Variants in VPS37A observed in about 807,000 individuals in gnomAD.
The protein encoded by VPS37A is VPS37A subunit of ESCRT-I, also known as vacuolar protein sorting-associated protein 37A.
In VPS37A, 30 loss-of-function variants were observed where a neutral mutation model predicts 49.8. That is an observed-to-expected ratio of 0.60 (90% CI 0.45 to 0.82). VPS37A has a LOEUF of 0.82. VPS37A is among the 40% of genes least tolerant of loss of function. The pLI, the probability that VPS37A is intolerant of heterozygous loss-of-function variation, is 0.00. For missense variants in VPS37A, 593 were observed against 464.4 expected, an observed-to-expected ratio of 1.28 and a Z score of -2.55; for synonymous variants, 195 against 160.6, an observed-to-expected ratio of 1.21 and a Z score of -1.62.
At chr8:17,272,444 T>G (rs1219547275) in intron 4 of VPS37A, among the ~76,000 whole-genome samples, 1 of 152,232 alleles carries the variant, frequency 6.6e-6, no homozygotes, top group Non-Finnish European at 1.5e-5. Flanking sequence ...GGGCTGGATA[T>G]AAACTCATTT....
chr8:17,308,165 T>C, the VPS37A span, among the ~76,000 whole-genome samples: 10 of 152,186 alleles, frequency 6.6e-5, no homozygotes, highest in African/African-American at 2.2e-4. Context: ...AAATAAACTT[T>C]ACTGCAAATC....
chr8:17,299,912 C>A (rs1436597559), downstream of VPS37A: 2 of 1,614,182 alleles, frequency 1.2e-6, no homozygotes, highest in Non-Finnish European at 1.7e-6. Context: ...TTGCCACTAT[C>A]TTCACTCGGT....
chr8:17,275,082 C>T lies in VPS37A; in HGVS notation c.642+124C>T, dbSNP rs1814390180. The T allele has an allele frequency of 1.1e-5, 10 of 903,974 alleles. 1 individual carries two copies. The South Asian group carries it at 1.2e-4, about 11-fold the overall frequency. 56.0% of individuals were successfully genotyped at this position (903,974 alleles called of 1,614,324 possible). On this transcript the variant is annotated intron_variant, in intron 5 of 11. Coordinates refer to ENST00000324849, the MANE Select transcript of VPS37A (RefSeq NM_152415.3). ...CACAAAATATGAAAAGATGAACTCA[C>T]ATTTTTCAATTCAAGTAACAGGTAA...
the VPS37A span, chr8:17,311,687 C>T: frequency 6.2e-7 from 1 of 1,611,480 alleles, no homozygotes; most frequent in Admixed American, 1.7e-5. Context: ...TGTAAAAAGG[C>T]AGAACCTCTC....
chr8:17,294,307 C>T (rs564380377), intron 11 of VPS37A, among the ~76,000 whole-genome samples: 1 of 152,146 alleles, frequency 6.6e-6, no homozygotes. Context: ...CTCCCCCCAC[C>T]AAGCTCCAGC....
At chr8:17,311,533 T>G in the VPS37A span, 1 of 1,613,658 alleles carries the variant, frequency 6.2e-7, no homozygotes, top group African/African-American at 1.3e-5. Flanking sequence ...CAGAGTCCGG[T>G]AGTGAGGGTC....
intron 1 of VPS37A, among the ~76,000 whole-genome samples, chr8:17,264,306 A>G (rs76099641): frequency 3.7e-4 from 56 of 152,330 alleles, no homozygotes; most frequent in African/African-American, 1.2e-3. Flanking sequence ...TCCTTGAACA[A>G]TGACCTCTTC....
At chr8:17,320,698 T>C in the VPS37A span, among the ~76,000 whole-genome samples, 1 of 152,224 alleles carries the variant, frequency 6.6e-6, no homozygotes, top group South Asian at 2.1e-4. Flanking sequence ...TCGGCCCTTC[T>C]GGAGATCTGA....
the VPS37A span, chr8:17,313,243 A>G: frequency 7.2e-7 from 1 of 1,384,796 alleles, no homozygotes; most frequent in Non-Finnish European, 1.0e-6. Flanking sequence ...TTTTGAAGTC[A>G]GTGGTTTGCT....
chr8:17,311,529 C>A, the VPS37A span: 1 of 1,614,134 alleles, frequency 6.2e-7, no homozygotes. Context: ...CCTTCAGAGT[C>A]CGGTAGTGAG....
At chr8:17,261,013 T>A (rs1487131687) in intron 1 of VPS37A, among the ~76,000 whole-genome samples, 2 of 152,220 alleles carry the variant, frequency 1.3e-5, no homozygotes, top group East Asian at 3.9e-4. Flanking sequence ...TATGACTTTC[T>A]CAAGCTTTGG....
At chr8:17,250,876 A>G (rs1032328861) in intron 1 of VPS37A, among the ~76,000 whole-genome samples, 3 of 152,214 alleles carry the variant, frequency 2.0e-5, no homozygotes, top group African/African-American at 7.2e-5. Flanking sequence ...GTGTTTAACC[A>G]AAGTGTTTAA....
At chr8:17,307,458 C>A in the VPS37A span, among the ~76,000 whole-genome samples, 1 of 152,116 alleles carries the variant, frequency 6.6e-6, no homozygotes, top group African/African-American at 2.4e-5. Flanking sequence ...CTAGTTCAAC[C>A]ATTGTGGAAG....
chr8:17,272,059 A>C (rs559973372), intron 4 of VPS37A: 16 of 456,706 alleles, frequency 3.5e-5, no homozygotes, highest in African/African-American at 3.2e-4. Context: ...CATCCAATTC[A>C]CTAGGTACAT....
downstream of VPS37A, chr8:17,302,354 G>T: frequency 5.3e-6 from 8 of 1,498,528 alleles, no homozygotes; most frequent in South Asian, 1.3e-5. Context: ...GTCTTCTAAG[G>T]TATCTATGAT....
chr8:17,281,521 A>AGAAACCAGCAG (rs1266734209), intron 9 of VPS37A, among the ~76,000 whole-genome samples: 1 of 152,036 alleles, frequency 6.6e-6, no homozygotes, highest in Admixed American at 6.5e-5. Context: ...AAAGAATACT[A>AGAAACCAGCAG]GAAACCAGCA....
At chr8:17,291,952 A>G (rs1816197254) in intron 11 of VPS37A, among the ~76,000 whole-genome samples, 1 of 152,168 alleles carries the variant, frequency 6.6e-6, no homozygotes, top group African/African-American at 2.4e-5. Flanking sequence ...TATTCTGTTG[A>G]TTATGGGTGG....
chr8:17,301,817 A>C (rs1261023880), downstream of VPS37A: 4 of 349,002 alleles, frequency 1.1e-5, no homozygotes, highest in South Asian at 3.3e-4. Flanking sequence ...TTACAAGTAC[A>C]TATATTTGAT....
At chr8:17,299,792 A>C, downstream of VPS37A, 1 of 1,566,942 alleles carries the variant, frequency 6.4e-7, no homozygotes, top group Non-Finnish European at 8.7e-7. Flanking sequence ...TTTACAATAA[A>C]CCACCTTGTT....
Sources: gnomAD v4.1 joint callset for allele counts (sites outside exome capture counted in the v4.1 genomes callset) on GRCh38, gnomAD v4.1.1 for gene constraint, MANE v1.5 for transcripts, NCBI Gene and HGNC (gene_info 2026-07-23, HGNC 2026-07-21) for gene names.